FRMD4B: variants seen among roughly 807,000 people sequenced by gnomAD.
FRMD4B encodes FERM domain-containing protein 4B.
Under a neutral mutation model 141.5 loss-of-function variants are expected in FRMD4B, and 74 were observed. That is an observed-to-expected ratio of 0.52 (90% CI 0.43 to 0.63). The LOEUF (loss-of-function observed/expected upper bound fraction) is 0.63, where lower values mean the gene tolerates loss of function less well. Ranked by LOEUF, FRMD4B falls within the 30% of genes least tolerant of loss-of-function variation. The pLI is 0.00. For missense variants in FRMD4B, 1,366 were observed against 1,253.4 expected, an observed-to-expected ratio of 1.09 and a Z score of -1.36; for synonymous variants, 506 against 467.9, an observed-to-expected ratio of 1.08 and a Z score of -1.05.
chr3:69,211,421 C>CA (rs956082871), intron 11 of FRMD4B, among the ~76,000 whole-genome samples: 12 of 151,224 alleles, frequency 7.9e-5, no homozygotes, highest in South Asian at 4.2e-4. Flanking sequence ...CCCAGACTGG[C>CA]AAAAAAAAGC....
chr3:69,183,093 T>C (rs1307599526), intron 19 of FRMD4B, among the ~76,000 whole-genome samples: 1 of 152,182 alleles, frequency 6.6e-6, no homozygotes, highest in Non-Finnish European at 1.5e-5. Flanking sequence ...TCCTTTTTTG[T>C]AAACAGTCTA....
At chr3:69,502,011 A>G (rs1706505777) in intron 1 of FRMD4B, among the ~76,000 whole-genome samples, 1 of 152,172 alleles carries the variant, frequency 6.6e-6, no homozygotes, top group Non-Finnish European at 1.5e-5. Flanking sequence ...ACTACAAACC[A>G]CCACTCAATG....
chr3:69,531,934 T>C (rs1701014444), intron 1 of FRMD4B, among the ~76,000 whole-genome samples: 1 of 152,222 alleles, frequency 6.6e-6, no homozygotes, highest in African/African-American at 2.4e-5. Context: ...AAAGAGCAGC[T>C]AGACTGGGAA....
chr3:69,294,037 C>A (rs1700963647), intron 4 of FRMD4B, among the ~76,000 whole-genome samples: 2 of 152,136 alleles, frequency 1.3e-5, no homozygotes, highest in African/African-American at 4.8e-5. Flanking sequence ...TCTCCCTCAA[C>A]TGAGCATGGT....
At chr3:69,274,629 G>A (rs923488232) in intron 5 of FRMD4B, among the ~76,000 whole-genome samples, 5 of 151,970 alleles carry the variant, frequency 3.3e-5, no homozygotes, top group East Asian at 1.9e-4. Context: ...AGCAATTCTC[G>A]TGCCTCAATC....
intron 1 of FRMD4B, chr3:69,472,037 T>TTATTTG (rs1288101907): frequency 6.4e-6 from 1 of 155,358 alleles, no homozygotes; most frequent in African/African-American, 2.4e-5. Context: ...CTTGCAAAGA[T>TTATTTG]TATTTGAGCC....
chr3:69,448,675 A>AG (rs990211792), intron 1 of FRMD4B, among the ~76,000 whole-genome samples: 4 of 152,234 alleles, frequency 2.6e-5, no homozygotes, highest in Non-Finnish European at 5.9e-5. Context: ...ACTTCTGCAA[A>AG]GGGCAATTTG....
intron 4 of FRMD4B, among the ~76,000 whole-genome samples, chr3:69,295,654 G>C (rs1268769110): frequency 6.6e-6 from 1 of 151,982 alleles, no homozygotes. Context: ...TGGAGACCAG[G>C]GATGCTGCTA....
At position 69,181,196 on chromosome 3, in the gene FRMD4B, C is replaced by G; in HGVS notation, c.2554G>C (p.Asp852His). The change falls in exon 21 of 23, where the codon GAC becomes CAC. Residue 852 changes from aspartate (D) to histidine (H), a missense_variant. Asp to His is a moderately conservative substitution (Grantham distance 81). Coordinates refer to ENST00000398540, the MANE Select transcript of FRMD4B (RefSeq NM_015123.3). ...SAHYGYERQR[D>H]YSRSFHEDEV... is the part of the protein sequence containing the mutation. ...TCTTCGTGAAAGGATCTGCTGTAGT[C>G]CCTCTGGCGCTCATATCCATAGTGG... is the stretch of plus-strand genomic sequence containing the variant. 1 of 1,613,978 alleles carries G rather than the reference C, an allele frequency of 6.2e-7. No individual in the cohort carries two copies. The highest frequency in any genetic ancestry group is 8.5e-7 in the Non-Finnish European group (1 of 1,179,886).
intron 4 of FRMD4B, among the ~76,000 whole-genome samples, chr3:69,288,964 C>A (rs539687762): frequency 2.0e-5 from 3 of 152,318 alleles, no homozygotes; most frequent in African/African-American, 7.2e-5. Context: ...ATGGTAAAAT[C>A]ATTCGAAACA....
intron 1 of FRMD4B, among the ~76,000 whole-genome samples, chr3:69,380,660 T>C (rs944975458): frequency 2.0e-5 from 3 of 152,228 alleles, no homozygotes; most frequent in Admixed American, 6.5e-5. Flanking sequence ...TGCCGTGTTC[T>C]GTGCTCTATG....
intron 1 of FRMD4B, among the ~76,000 whole-genome samples, chr3:69,456,778 T>A (rs1705622542): frequency 6.6e-6 from 1 of 152,102 alleles, no homozygotes; most frequent in African/African-American, 2.4e-5. Flanking sequence ...ATTAGTGCTT[T>A]CCTCTAGATG....
intron 3 of FRMD4B, among the ~76,000 whole-genome samples, chr3:69,309,007 T>C (rs1222814570): frequency 6.6e-6 from 1 of 152,214 alleles, no homozygotes; most frequent in African/African-American, 2.4e-5. Flanking sequence ...CTTGTTATGC[T>C]AGACTATAGC....
At chr3:69,457,783 A>G (rs149196341) in intron 1 of FRMD4B, among the ~76,000 whole-genome samples, 2 of 152,308 alleles carry the variant, frequency 1.3e-5, no homozygotes, top group Admixed American at 6.5e-5. Flanking sequence ...TGCGCCCACA[A>G]TCACATTTCC....
chr3:69,472,207 C>T (rs1705904494), intron 1 of FRMD4B: 5 of 299,302 alleles, frequency 1.7e-5, no homozygotes, highest in Admixed American at 1.5e-4. Flanking sequence ...ATTTACAGAG[C>T]TGAAGATCTT....
At chr3:69,315,494 T>C (rs1474715576) in intron 1 of FRMD4B, among the ~76,000 whole-genome samples, 1 of 152,260 alleles carries the variant, frequency 6.6e-6, no homozygotes, top group Non-Finnish European at 1.5e-5. Context: ...TATATGTGTG[T>C]ATATGTGTTT....
At chr3:69,406,723 G>A (rs1704655377) in intron 2 of FRMD4B, among the ~76,000 whole-genome samples, 1 of 151,746 alleles carries the variant, frequency 6.6e-6, no homozygotes, top group Admixed American at 6.6e-5. Flanking sequence ...TGTCATTAAT[G>A]TTAGGTTTTG....
chr3:69,355,103 A>G (rs1051594678), intron 1 of FRMD4B, among the ~76,000 whole-genome samples: 6 of 152,188 alleles, frequency 3.9e-5, no homozygotes, highest in African/African-American at 1.4e-4. Context: ...TATATAGCTC[A>G]AACAACTTGG....
chr3:69,401,591 C>T (rs981846605), intron 2 of FRMD4B, among the ~76,000 whole-genome samples: 1 of 152,088 alleles, frequency 6.6e-6, no homozygotes, highest in Non-Finnish European at 1.5e-5. Flanking sequence ...ACTCTGCCAC[C>T]CGGGCTGAAG....
Sources: allele counts gnomAD v4.1 joint callset (sites outside exome capture counted in the v4.1 genomes callset), GRCh38; gene constraint gnomAD v4.1.1; transcripts MANE v1.5; gene names NCBI Gene and HGNC (gene_info 2026-07-23, HGNC 2026-07-21).